The following PAM variants were observed in gnomAD, a reference collection of about 807,000 sequenced individuals.
PAM encodes the protein peptidylglycine alpha-amidating monooxygenase, also known as peptidyl-glycine alpha-amidating monooxygenase.
In PAM, 72 loss-of-function variants were observed where a neutral mutation model predicts 122.1. That is an observed-to-expected ratio of 0.59 (90% CI 0.49 to 0.72). The LOEUF (loss-of-function observed/expected upper bound fraction) is 0.72, where lower values mean the gene tolerates loss of function less well. Among genes scored for constraint, PAM ranks in the 30% least tolerant of loss-of-function variants. PAM has a pLI of 0.00. For synonymous variants in PAM, 389 were observed against 404.4 expected (o/e 0.96, Z 0.46); for missense variants, 1,106 against 1,183.7 (o/e 0.93, Z 0.96).
At chr5:102,968,910 TA>T (rs1764932444) in intron 14 of PAM, among the ~76,000 whole-genome samples, 1 of 152,026 alleles carries the variant, frequency 6.6e-6, no homozygotes, top group East Asian at 1.9e-4. Flanking sequence ...TATGCAGCCA[TA>T]AAAAAGGATG....
intron 11 of PAM, among the ~76,000 whole-genome samples, chr5:102,950,416 G>GGTGGGTGTGTGTGTGTGT (rs1554134181): frequency 6.8e-4 from 99 of 146,062 alleles, no homozygotes; most frequent in African/African-American, 2.4e-3. Context: ...TATGTGGGTG[G>GGTGGGTGTGTGTGTGTGT]GTGTGTGTGT....
intron 1 of PAM, among the ~76,000 whole-genome samples, chr5:102,793,421 T>C (rs258149): frequency 0.36 from 55,307 of 151,732 alleles, 10,315 homozygotes; most frequent in East Asian, 0.4. Flanking sequence ...GTACTAGCTA[T>C]TTGGGAGGCT....
intron 3 of PAM, among the ~76,000 whole-genome samples, chr5:102,889,741 C>T (rs933513970): frequency 6.6e-6 from 1 of 151,818 alleles, no homozygotes; most frequent in Non-Finnish European, 1.5e-5. Flanking sequence ...GCCAAGTGGC[C>T]CTCCTCCTTA....
At chr5:103,013,011 T>C (rs528861094) in intron 21 of PAM, among the ~76,000 whole-genome samples, 24 of 152,298 alleles carry the variant, frequency 1.6e-4, no homozygotes, top group African/African-American at 5.8e-4. Flanking sequence ...GTAATATGAC[T>C]CCTCCAGTTT....
intron 16 of PAM, among the ~76,000 whole-genome samples, chr5:102,992,479 TGTTA>T (rs1774406457): frequency 6.6e-6 from 1 of 152,200 alleles, no homozygotes; most frequent in Non-Finnish European, 1.5e-5. Context: ...TAGATTACTC[TGTTA>T]GTTATTTTTT....
intron 3 of PAM, among the ~76,000 whole-genome samples, chr5:102,892,845 A>G (rs73175422): frequency 0.043 from 6,497 of 151,956 alleles, 292 homozygotes; most frequent in East Asian, 0.18. Flanking sequence ...ATGCGTAACA[A>G]ATAGTAAAAG....
chr5:102,966,586 A>C (rs1026241190), intron 14 of PAM, among the ~76,000 whole-genome samples: 4 of 152,182 alleles, frequency 2.6e-5, no homozygotes, highest in African/African-American at 9.6e-5. Flanking sequence ...TAATAAGTAA[A>C]CAATCAATAA....
At position 102,803,745 on chromosome 5, in the gene PAM, G is replaced by GTATT. The variant is rs1034998594; in HGVS notation, c.-374+48406_-374+48409dup. 7.4e-4 allele frequency among the ~76,000 whole-genome samples: 113 copies of GTATT among 152,228 alleles called. 1 individual carries two copies. Among genetic ancestry groups the GTATT allele is most frequent in the African/African-American group, 2.6e-3 (108 of 41,538 alleles). On this transcript the variant is annotated intron_variant, in intron 1 of 25. Coordinates refer to ENST00000438793, the MANE Select transcript of PAM (RefSeq NM_001177306.2). ...AGAAAAATAGGATATAATAAATTTT[G>GTATT]TATTTATTTATTGAATAAGTATTTA...
intron 14 of PAM, among the ~76,000 whole-genome samples, chr5:102,971,795 G>C (rs1212935461): frequency 6.6e-6 from 1 of 152,072 alleles, no homozygotes; most frequent in Non-Finnish European, 1.5e-5. Flanking sequence ...ATGTGACTAA[G>C]AAAATTGGTT....
At chr5:103,030,049 G>A (rs1403080288), downstream of PAM, 2 of 152,136 alleles carry the variant, frequency 1.3e-5, no homozygotes, top group African/African-American at 2.4e-5. Flanking sequence ...CATCAGTAGG[G>A]ATCACTAATA....
chr5:102,758,114 G>A (rs890205797), intron 1 of PAM, among the ~76,000 whole-genome samples: 5 of 115,506 alleles, frequency 4.3e-5, no homozygotes, highest in African/African-American at 9.7e-5. Context: ...TTTTTCTTGG[G>A]GCAAAGAATG....
intron 1 of PAM, among the ~76,000 whole-genome samples, chr5:102,863,387 C>G (rs1292941563): frequency 6.6e-6 from 1 of 152,150 alleles, no homozygotes; most frequent in Non-Finnish European, 1.5e-5. Flanking sequence ...AGTAGCCACC[C>G]CTTCCACTGA....
intron 7 of PAM, among the ~76,000 whole-genome samples, 194 bp from the exon 8 acceptor site, chr5:102,946,643 T>C (rs915112624): frequency 6.6e-6 from 1 of 150,660 alleles, no homozygotes; most frequent in Admixed American, 6.7e-5. Context: ...TAGTTTTGTT[T>C]TTGCTGTTAT....
chr5:102,915,003 G>A lies in PAM; in HGVS notation c.356+982G>A, dbSNP rs140189295. Among the ~76,000 whole-genome samples the A allele has an allele frequency of 9.1e-4, 138 of 152,198 alleles. 1 individual carries two copies. The East Asian group carries it at 0.025, about 27-fold the overall frequency. On this transcript the variant is annotated intron_variant, in intron 5 of 25. Coordinates refer to ENST00000438793, the MANE Select transcript of PAM (RefSeq NM_001177306.2). ...AATAAGATGTTTTCTACCCCCATAA[G>A]TTTACAGCATAATTATGGTTTGAGA...
intron 21 of PAM, among the ~76,000 whole-genome samples, chr5:103,010,800 C>A (rs1211315254): frequency 5.3e-5 from 8 of 151,994 alleles, no homozygotes; most frequent in Non-Finnish European, 4.4e-5. Flanking sequence ...TGTGGTTACA[C>A]AGTACATGTT....
chr5:102,877,117 A>C (rs1789476457), intron 3 of PAM, among the ~76,000 whole-genome samples: 1 of 152,262 alleles, frequency 6.6e-6, no homozygotes, highest in Non-Finnish European at 1.5e-5. Context: ...CAAGATACTT[A>C]AACTATAACT....
At chr5:102,853,833 A>G (rs1003716598) in intron 1 of PAM, among the ~76,000 whole-genome samples, 4 of 152,254 alleles carry the variant, frequency 2.6e-5, no homozygotes, top group African/African-American at 9.6e-5. Flanking sequence ...AGTCACTGCC[A>G]GGAAATGAGC....
chr5:103,009,296 A>G (rs1349921721), intron 20 of PAM, among the ~76,000 whole-genome samples: 1 of 152,104 alleles, frequency 6.6e-6, no homozygotes, highest in African/African-American at 2.4e-5. Flanking sequence ...TTCTATATAG[A>G]CTGTAACTTC....
chr5:102,784,676 GTTGAA>G (rs1451380062), intron 1 of PAM, among the ~76,000 whole-genome samples: 4 of 152,180 alleles, frequency 2.6e-5, no homozygotes, highest in Non-Finnish European at 5.9e-5. Flanking sequence ...CAACGTATTT[GTTGAA>G]TTGAATTGAT....
Sources: allele counts gnomAD v4.1 joint callset (sites outside exome capture counted in the v4.1 genomes callset), GRCh38; gene constraint gnomAD v4.1.1; transcripts MANE v1.5; gene names NCBI Gene and HGNC (gene_info 2026-07-23, HGNC 2026-07-21).